Variants in CNTNAP2 observed in about 807,000 individuals in gnomAD.
The protein encoded by CNTNAP2 is contactin-associated protein-like 2.
CNTNAP2 carries 98 observed loss-of-function variants against 155.2 expected under a neutral mutation model. The observed-to-expected ratio is 0.63, with a 90% CI of 0.54 to 0.75. The LOEUF (loss-of-function observed/expected upper bound fraction) is 0.75, where lower values mean the gene tolerates loss of function less well. Among genes scored for constraint, CNTNAP2 ranks in the 30% least tolerant of loss-of-function variants. The probability of loss-of-function intolerance (pLI) is 0.00; values close to 1 mark genes in which losing one functional copy is unlikely to be tolerated. For synonymous variants in CNTNAP2, 651 were observed against 631.2 expected (o/e 1.03, Z -0.47); for missense variants, 1,727 against 1,688.1 (o/e 1.02, Z -0.40).
At chr7:146,495,452 AG>A (rs1427224091) in intron 1 of CNTNAP2, among the ~76,000 whole-genome samples, 1 of 151,850 alleles carries the variant, frequency 6.6e-6, no homozygotes, top group Non-Finnish European at 1.5e-5. Flanking sequence ...CTCTGACCTT[AG>A]GTGAATCACT....
intron 1 of CNTNAP2, among the ~76,000 whole-genome samples, chr7:146,504,794 C>T (rs1049910221): frequency 3.9e-5 from 6 of 152,152 alleles, no homozygotes; most frequent in Non-Finnish European, 7.4e-5. Context: ...ATCCTGTTTG[C>T]TGGCAAATAT....
intron 4 of CNTNAP2, among the ~76,000 whole-genome samples, chr7:147,098,810 A>G (rs1800596493): frequency 6.6e-6 from 1 of 151,876 alleles, no homozygotes; most frequent in Admixed American, 6.6e-5. Flanking sequence ...AATACTTTAT[A>G]TTATTGATAC....
In CNTNAP2 at chr7:147,406,451, G is replaced by T. The variant is rs140061134; in HGVS notation, c.1670+10671G>T. Among the ~76,000 whole-genome samples the T allele has an allele frequency of 3.8e-3, 579 of 152,138 alleles. 3 individuals are homozygous for T. Among genetic ancestry groups the T allele is most frequent in the Middle Eastern group, 0.014 (4 of 294 alleles). On this transcript the variant is annotated intron_variant, in intron 10 of 23. Coordinates refer to ENST00000361727, the MANE Select transcript of CNTNAP2 (RefSeq NM_014141.6). Reference sequence around the variant, plus strand: ...AAAACAGTTTTAAAAAGATGAAGTTGTCATTTTCATTTTGTTTGATTAAAA... The same window carrying T: ...AAAACAGTTTTAAAAAGATGAAGTTTTCATTTTCATTTTGTTTGATTAAAA...
At chr7:146,574,708 A>G (rs1229475264) in intron 1 of CNTNAP2, among the ~76,000 whole-genome samples, 1 of 152,182 alleles carries the variant, frequency 6.6e-6, no homozygotes, top group Non-Finnish European at 1.5e-5. Flanking sequence ...TCAAAAAACA[A>G]ACAAACAAAC....
chr7:147,920,020 A>G (rs983337513), intron 14 of CNTNAP2, among the ~76,000 whole-genome samples: 4 of 152,042 alleles, frequency 2.6e-5, no homozygotes, highest in Admixed American at 1.3e-4. Context: ...TCACATTGGT[A>G]TAGAGTGAAA....
intron 1 of CNTNAP2, among the ~76,000 whole-genome samples, chr7:146,476,909 A>G (rs1796886024): frequency 2.6e-5 from 4 of 152,180 alleles, no homozygotes; most frequent in Admixed American, 2.6e-4. Context: ...CGCTTCCCAA[A>G]ATTTTCTATC....
rs200942310 is a variant in CNTNAP2 at position 147,314,656 on chromosome 7, A to T, written c.1498+14366A>T. Among the ~76,000 whole-genome samples the T allele has an allele frequency of 2.7e-5, 4 of 148,492 alleles. No individual in the cohort carries two copies. In the East Asian group the frequency reaches 7.8e-4, roughly 29 times the overall value. On this transcript the variant is annotated intron_variant, in intron 9 of 23. Coordinates refer to ENST00000361727, the MANE Select transcript of CNTNAP2 (RefSeq NM_014141.6). ...CAAAAAGTCAGCAATAAAAAAAAAA[A>T]TCCTTTAATATCTTTGGAACTTTTC...
chr7:147,701,869 T>C (rs1396607425), intron 13 of CNTNAP2, among the ~76,000 whole-genome samples: 1 of 152,150 alleles, frequency 6.6e-6, no homozygotes, highest in Admixed American at 6.6e-5. Flanking sequence ...AGCTATGCTA[T>C]GCTTTCATTA....
chr7:147,431,005 G>A (rs77602642), intron 10 of CNTNAP2, among the ~76,000 whole-genome samples: 16,215 of 150,074 alleles, frequency 0.11, 1,187 homozygotes, highest in Non-Finnish European at 0.16. Context: ...CCGAGATCAC[G>A]CCCCTCCTGC....
chr7:147,923,040 G>T (rs1800313203), intron 14 of CNTNAP2, among the ~76,000 whole-genome samples: 1 of 151,782 alleles, frequency 6.6e-6, no homozygotes, highest in African/African-American at 2.4e-5. Flanking sequence ...CATGGAAAAT[G>T]AGGTCAGGAA....
At chr7:147,680,489 T>G (rs577259946) in intron 13 of CNTNAP2, among the ~76,000 whole-genome samples, 18 of 152,040 alleles carry the variant, frequency 1.2e-4, no homozygotes, top group Non-Finnish European at 2.4e-4. Flanking sequence ...GCCGAAGTGC[T>G]AAAGCAATAT....
intron 10 of CNTNAP2, among the ~76,000 whole-genome samples, chr7:147,411,443 A>G (rs1309596418): frequency 2.0e-5 from 3 of 152,202 alleles, no homozygotes; most frequent in Non-Finnish European, 4.4e-5. Context: ...CAGAGACCCA[A>G]TCAGTTTTCC....
At chr7:146,838,124 G>A (rs1285763002) in intron 2 of CNTNAP2, among the ~76,000 whole-genome samples, 1 of 152,052 alleles carries the variant, frequency 6.6e-6, no homozygotes, top group Non-Finnish European at 1.5e-5. Flanking sequence ...ATTGTAATAT[G>A]TTTCCGTTTC....
At chr7:148,153,047 A>AG (rs1563216476) in intron 17 of CNTNAP2, among the ~76,000 whole-genome samples, 9 of 148,018 alleles carry the variant, frequency 6.1e-5, no homozygotes, top group African/African-American at 2.3e-4. Flanking sequence ...AAAAAAAAAA[A>AG]GCTAAACTCT....
intron 1 of CNTNAP2, among the ~76,000 whole-genome samples, chr7:146,710,818 A>G (rs763337973): frequency 6.6e-6 from 1 of 152,076 alleles, no homozygotes; most frequent in Non-Finnish European, 1.5e-5. Flanking sequence ...ATTATGTCAC[A>G]AGACTGTAGG....
chr7:147,321,546 C>T (rs1795351079), intron 9 of CNTNAP2, among the ~76,000 whole-genome samples: 1 of 152,168 alleles, frequency 6.6e-6, no homozygotes, highest in Admixed American at 6.5e-5. Context: ...TAGCTTTACT[C>T]TCATCTCAGC....
intron 21 of CNTNAP2, among the ~76,000 whole-genome samples, chr7:148,295,617 G>A (rs1221366808): frequency 1.5e-5 from 2 of 135,426 alleles, no homozygotes; most frequent in South Asian, 2.4e-4. Context: ...TCAGCCTCCC[G>A]AGTAGCTGGG....
chr7:146,157,970 T>G lies in CNTNAP2; in HGVS notation c.97+40997T>G, dbSNP rs189238520. Among the ~76,000 whole-genome samples the G allele has an allele frequency of 2.0e-4, 30 of 152,264 alleles. No individual in the cohort carries two copies. The East Asian group carries it at 5.6e-3, about 29-fold the overall frequency. Reference sequence around the variant, plus strand: ...GTCTCTGACCCCCGAGTAGCCTAACTAGGAGACACCTCCCAGTAGGGGCCA... The same window carrying G: ...GTCTCTGACCCCCGAGTAGCCTAACGAGGAGACACCTCCCAGTAGGGGCCA... On this transcript the variant is annotated intron_variant, in intron 1 of 23. Coordinates refer to ENST00000361727, the MANE Select transcript of CNTNAP2 (RefSeq NM_014141.6).
At chr7:147,559,865 T>TAA (rs57030720) in intron 11 of CNTNAP2, among the ~76,000 whole-genome samples, 3 of 140,604 alleles carry the variant, frequency 2.1e-5, no homozygotes, top group Non-Finnish European at 3.1e-5. Flanking sequence ...TTGCCGATCT[T>TAA]AAAAAAAAAA....
Sources: allele counts gnomAD v4.1 joint callset (sites outside exome capture counted in the v4.1 genomes callset), GRCh38; gene constraint gnomAD v4.1.1; transcripts MANE v1.5; gene names NCBI Gene and HGNC (gene_info 2026-07-23, HGNC 2026-07-21).